The following BIRC2 variants were observed in gnomAD, a reference collection of about 807,000 sequenced individuals.
BIRC2 encodes baculoviral IAP repeat-containing protein 2.
Under a neutral mutation model 60.9 loss-of-function variants are expected in BIRC2, and 18 were observed. The ratio of observed to expected loss-of-function variants is 0.30; its 90% CI spans 0.20 to 0.44. The LOEUF is 0.44. Among genes scored for constraint, BIRC2 ranks in the 20% least tolerant of loss-of-function variants. The pLI is 1.00. For synonymous variants in BIRC2, 282 were observed against 247.7 expected, an observed-to-expected ratio of 1.14 and a Z score of -1.30; for missense variants, 701 against 728.5, an observed-to-expected ratio of 0.96 and a Z score of 0.43.
intron 6 of BIRC2, among the ~76,000 whole-genome samples, chr11:102,374,305 A>T (rs1418287425): frequency 6.7e-6 from 1 of 150,348 alleles, no homozygotes; most frequent in South Asian, 2.1e-4. Flanking sequence ...GGTTTTATCT[A>T]TTTTTGGTCT....
intron 6 of BIRC2, among the ~76,000 whole-genome samples, chr11:102,375,958 C>T (rs544670160): frequency 7.5e-4 from 108 of 144,952 alleles, no homozygotes; most frequent in African/African-American, 2.8e-3. Context: ...CCTAGCACGT[C>T]AATTTTTTTT....
intron 3 of BIRC2, among the ~76,000 whole-genome samples, chr11:102,359,774 C>G (rs953325964): frequency 1.3e-5 from 2 of 152,068 alleles, no homozygotes; most frequent in Admixed American, 1.3e-4. Context: ...TCTCTTTCAT[C>G]TTCTATTTTT....
Position 102,374,841 on chromosome 11 carries a change from C to T in BIRC2, c.1367-2655C>T, listed in dbSNP as rs555000649. ...GAGACTCCGTGGGCGTAGGACCCTC[C>T]GAGCCAGGTGTGGGATATAATCTCT... On this transcript the variant is annotated intron_variant, in intron 6 of 8. Transcript: ENST00000227758. Among the ~76,000 whole-genome samples the T allele has an allele frequency of 1.1e-3, 169 of 152,332 alleles. 3 individuals are homozygous for T. Among genetic ancestry groups the T allele is most frequent in the South Asian group, 4.6e-3 (22 of 4,826 alleles).
intron 5 of BIRC2, among the ~76,000 whole-genome samples, chr11:102,364,658 G>A (rs966356548): frequency 3.9e-5 from 6 of 152,198 alleles, no homozygotes; most frequent in African/African-American, 1.4e-4. Flanking sequence ...TTGTGGCACA[G>A]CATTTCAAGA....
Position 102,350,167 on chromosome 11 carries a change from C to T in BIRC2, c.313C>T (p.Gln105Ter). 6.2e-7 allele frequency: 1 copy of T among 1,614,202 alleles called. No homozygotes were observed. Residue 105 changes from glutamine (Q) to a stop codon, truncating the protein, a stop_gained, in exon 2 of 9, where the codon CAG (glutamine) becomes TAG (stop). Coordinates refer to ENST00000227758, the MANE Select transcript of BIRC2 (RefSeq NM_001166.5). LOFTEE classifies it high-confidence loss of function. ...AGACAGTCCTATTCAAAAGCATAAA[C>T]AGCTATATCCTAGCTGTAGCTTTAT... Reference protein sequence around the residue: ...LGDSPIQKHKQLYPSCSFIQN... With the variant: ...LGDSPIQKHK
chr11:102,368,504 A>G lies in BIRC2; in HGVS notation c.1322A>G (p.Lys441Arg). Residue 441 changes from lysine to arginine, a missense_variant, in exon 6 of 9, where the codon AAA becomes AGA. This residue lies in a region of BIRC2 where 235 missense variants were observed against 208.9 expected (regional missense o/e 1.12). Coordinates refer to ENST00000227758, the MANE Select transcript of BIRC2 (RefSeq NM_001166.5). ...VSALLNAEDE[K>R]REEEKEKQAE... ...GCACTTCTTAATGCTGAAGATGAAA[A>G]AAGAGAAGAGGAGAAGGAAAAACAA... The G allele has an allele frequency of 6.2e-7, 1 of 1,613,852 alleles. No individual in the cohort carries two copies. Among genetic ancestry groups the G allele is most frequent in the Non-Finnish European group, 8.5e-7 (1 of 1,179,902 alleles).
intron 5 of BIRC2, among the ~76,000 whole-genome samples, chr11:102,364,174 T>TATGTATATAC (rs1389968594): frequency 1.3e-5 from 1 of 78,120 alleles, no homozygotes; most frequent in Admixed American, 1.5e-4. Flanking sequence ...TATATATATA[T>TATGTATATAC]ACACACACAC....
chr11:102,375,935 C>G (rs1046040776), intron 6 of BIRC2, among the ~76,000 whole-genome samples: 1 of 151,558 alleles, frequency 6.6e-6, no homozygotes, highest in Non-Finnish European at 1.5e-5. Context: ...AAATAAAACA[C>G]TTTAACACAG....
Position 102,368,401 on chromosome 11 carries a change from G to A in BIRC2, c.1219G>A (p.Asp407Asn). The change falls in exon 6 of 9, where the codon GAC becomes AAC. Residue 407 changes from aspartate (D) to asparagine (N), a missense_variant. By Grantham distance (23) the Asp-to-Asn change is conservative. This residue lies in a region of BIRC2 where 235 missense variants were observed against 208.9 expected (regional missense o/e 1.12). Coordinates refer to ENST00000227758, the MANE Select transcript of BIRC2 (RefSeq NM_001166.5). Reference sequence around the variant, plus strand: ...TGCCTTGGAAATGGGCTTTAATAGAGACCTGGTGAAACAAACAGTTCAAAG... The same window carrying A: ...TGCCTTGGAAATGGGCTTTAATAGAAACCTGGTGAAACAAACAGTTCAAAG... ...KSALEMGFNR[D>N]LVKQTVQSKI... 3 of 1,613,988 alleles carry A rather than the reference G, an allele frequency of 1.9e-6. No homozygotes were observed. Among genetic ancestry groups the A allele is most frequent in the Non-Finnish European group, 2.5e-6 (3 of 1,179,986 alleles).
intron 1 of BIRC2, chr11:102,348,291 T>A (rs1019335119): frequency 2.6e-5 from 4 of 152,858 alleles, no homozygotes; most frequent in African/African-American, 7.2e-5. Flanking sequence ...AGTGCCAGAG[T>A]TACCTTTAGG....
intron 3 of BIRC2, among the ~76,000 whole-genome samples, chr11:102,356,645 C>G (rs1048348714): frequency 6.7e-6 from 1 of 149,754 alleles, no homozygotes; most frequent in Non-Finnish European, 1.5e-5. Flanking sequence ...TTTTCTGTGT[C>G]TGTTGAGATG....
At chr11:102,367,630 G>A (rs1469663184) in intron 5 of BIRC2, among the ~76,000 whole-genome samples, 1 of 152,088 alleles carries the variant, frequency 6.6e-6, no homozygotes, top group African/African-American at 2.4e-5. Context: ...ATGCTTCCCT[G>A]ACTACCCTAT....
chr11:102,347,571 C>T (rs1004592879), intron 1 of BIRC2, 195 bp downstream of exon 1: 2 of 152,314 alleles, frequency 1.3e-5, no homozygotes, highest in Non-Finnish European at 2.9e-5. Context: ...GAAGCCCCAA[C>T]TTCGAGACTT....
At chr11:102,359,819 C>CT (rs1951465449) in intron 3 of BIRC2, among the ~76,000 whole-genome samples, 1 of 152,016 alleles carries the variant, frequency 6.6e-6, no homozygotes, top group South Asian at 2.1e-4. Flanking sequence ...GTGAAGTCTT[C>CT]TTTGGGTTGA....
In BIRC2 at chr11:102,350,018, C is replaced by T. The variant is rs765386384; in HGVS notation, c.164C>T (p.Thr55Ile). Residue 55 changes from threonine to isoleucine, a missense_variant, in exon 2 of 9, where the codon ACT becomes ATT. Physicochemically the swap from Thr to Ile is moderately conservative, Grantham distance 89. Coordinates refer to ENST00000227758, the MANE Select transcript of BIRC2 (RefSeq NM_001166.5). ...CELYRMSTYS[T>I]FPAGVPVSER... ...CTCTACAGAATGTCTACATATTCAA[C>T]TTTCCCCGCCGGGGTGCCTGTCTCA... The T allele has an allele frequency of 4.3e-6, 7 of 1,614,214 alleles. No homozygotes were observed. Among genetic ancestry groups the T allele is most frequent in the Admixed American group, 1.7e-5 (1 of 60,030 alleles).
At chr11:102,375,172 C>T (rs890903222) in intron 6 of BIRC2, among the ~76,000 whole-genome samples, 1 of 152,310 alleles carries the variant, frequency 6.6e-6, no homozygotes, top group East Asian at 1.9e-4. Flanking sequence ...TGTTCCTATT[C>T]GGCCATCTTG....
chr11:102,351,852 G>T (rs1951366419), intron 3 of BIRC2, among the ~76,000 whole-genome samples: 1 of 152,024 alleles, frequency 6.6e-6, no homozygotes, highest in Non-Finnish European at 1.5e-5. Flanking sequence ...GACGTTGTTT[G>T]TAAAATGAGG....
chr11:102,370,891 A>C (rs1951624086), intron 6 of BIRC2, among the ~76,000 whole-genome samples: 1 of 14,650 alleles, frequency 6.8e-5, no homozygotes, highest in East Asian at 2.1e-3. Context: ...CATCCCTTGT[A>C]AGTTGGATTC....
At chr11:102,363,997 C>T (rs1346114512) in intron 5 of BIRC2, among the ~76,000 whole-genome samples, 1 of 150,974 alleles carries the variant, frequency 6.6e-6, no homozygotes, top group Non-Finnish European at 1.5e-5. Context: ...TTGCAGTGAA[C>T]TGAGATTATG....
Sources: gnomAD v4.1 joint callset for allele counts (sites outside exome capture counted in the v4.1 genomes callset) on GRCh38, gnomAD v4.1.1 for gene constraint, gnomAD v4.1.1 regional missense constraint, MANE v1.5 for transcripts, NCBI Gene and HGNC (gene_info 2026-07-23, HGNC 2026-07-21) for gene names.